The following RBFOX1 variants were observed in gnomAD, a reference collection of about 807,000 sequenced individuals.
RBFOX1 encodes the protein RNA binding protein fox-1 homolog 1.
RBFOX1 carries 8 observed loss-of-function variants against 57.7 expected under a neutral mutation model. That is an observed-to-expected ratio of 0.14 (90% CI 0.08 to 0.25). The LOEUF is 0.25. Ranked by LOEUF, RBFOX1 falls within the 10% of genes least tolerant of loss-of-function variation. The pLI is 1.00. For missense variants in RBFOX1, 611 were observed against 548.5 expected (o/e 1.11, Z -1.14); for synonymous variants, 326 against 222.4 (o/e 1.47, Z -4.15).
chr16:6,638,545 T>C (rs957276999), intron 2 of RBFOX1, among the ~76,000 whole-genome samples: 1 of 152,190 alleles, frequency 6.6e-6, no homozygotes, highest in East Asian at 1.9e-4. Flanking sequence ...CTTAGAAATA[T>C]TGCAGTGGAA....
chr16:6,997,745 T>C (rs2092391755), intron 3 of RBFOX1, among the ~76,000 whole-genome samples: 2 of 152,320 alleles, frequency 1.3e-5, no homozygotes, highest in South Asian at 2.1e-4. Flanking sequence ...AATTGAATAT[T>C]AACTTTGTTG....
intron 3 of RBFOX1, among the ~76,000 whole-genome samples, chr16:6,945,893 C>A (rs1456911598): frequency 6.6e-6 from 1 of 152,140 alleles, no homozygotes; most frequent in Non-Finnish European, 1.5e-5. Flanking sequence ...TCTCGTCCCC[C>A]ACAAAAAAGG....
chr16:7,437,886 G>T (rs1598410656), intron 4 of RBFOX1, among the ~76,000 whole-genome samples: 2 of 149,160 alleles, frequency 1.3e-5, no homozygotes, highest in South Asian at 2.1e-4. Context: ...ATGAATATAG[G>T]GTCATATTAG....
chr16:7,705,196 G>T lies in RBFOX1; in HGVS notation c.996-3860G>T, dbSNP rs534653737. Among the ~76,000 whole-genome samples the T allele has an allele frequency of 2.0e-5, 3 of 152,188 alleles. No homozygotes were observed. The East Asian group carries it at 5.8e-4, about 30-fold the overall frequency. ...CTAAGCAGAGAATGGATTTGCATGT[G>T]TGCAGGAACGATCAAGAAAGCCTGT... On this transcript the variant is annotated intron_variant, in intron 14 of 15. Transcript: ENST00000550418.
At chr16:6,449,263 C>T (rs146771990) in intron 2 of RBFOX1, among the ~76,000 whole-genome samples, 88 of 152,354 alleles carry the variant, frequency 5.8e-4, no homozygotes, top group Non-Finnish European at 9.0e-4. Flanking sequence ...GTCATCGACT[C>T]ATTCCGAAAG....
chr16:7,090,751 C>A (rs1031730273), intron 4 of RBFOX1, among the ~76,000 whole-genome samples: 1 of 152,106 alleles, frequency 6.6e-6, no homozygotes, highest in African/African-American at 2.4e-5. Context: ...AACTTGGCCA[C>A]GGTAGGAGGG....
chr16:6,957,116 T>TTTTTTTTTTTTATTTA (rs574831673), intron 3 of RBFOX1, among the ~76,000 whole-genome samples: 51 of 139,248 alleles, frequency 3.7e-4, no homozygotes, highest in Non-Finnish European at 3.4e-4. Context: ...TTATTTTTAT[T>TTTTTTTTTTTTATTTA]TTTATTTATT....
At chr16:5,540,852 ATTTAT>A (rs2044910816) in intron 2 of RBFOX1, among the ~76,000 whole-genome samples, 1 of 152,032 alleles carries the variant, frequency 6.6e-6, no homozygotes, top group Non-Finnish European at 1.5e-5. Context: ...AGTTTTTTAA[ATTTAT>A]TTTATGTTTT....
At position 6,554,936 on chromosome 16, in the gene RBFOX1, G is replaced by C. The variant is rs536882114; in HGVS notation, c.-63-99667G>C. Reference sequence around the variant, plus strand: ...GCTTTTTCTGCCAGCTGGAGAATTTGACCTAGGGCTAAGTGACTAGCCTGA... The same window carrying C: ...GCTTTTTCTGCCAGCTGGAGAATTTCACCTAGGGCTAAGTGACTAGCCTGA... On this transcript the variant is annotated intron_variant, in intron 2 of 15. Transcript: ENST00000550418. Among the ~76,000 whole-genome samples, 5 of 152,270 alleles carry C rather than the reference G, an allele frequency of 3.3e-5. No individual in the cohort carries two copies. The South Asian group carries it at 1.0e-3, about 32-fold the overall frequency.
In RBFOX1 at chr16:6,521,870, T is replaced by C. The variant is rs1302351172; in HGVS notation, c.-63-132733T>C. On this transcript the variant is annotated intron_variant, in intron 2 of 15. Transcript: ENST00000550418. ...AGTTAGGACTAAGAAATGAAGTCCT[T>C]ATCACTGGCCCATTTTAATCTGTGT... Among the ~76,000 whole-genome samples the C allele has an allele frequency of 2.6e-5, 4 of 152,132 alleles. No homozygotes were observed. In the East Asian group the frequency reaches 7.7e-4, roughly 29 times the overall value.
chr16:7,517,297 G>T (rs574425331), intron 4 of RBFOX1, among the ~76,000 whole-genome samples: 1 of 151,786 alleles, frequency 6.6e-6, no homozygotes, highest in South Asian at 2.1e-4. Flanking sequence ...TTCTGAGTTG[G>T]CTGTAATTGT....
chr16:6,051,845 T>G (rs1182612001), intron 1 of RBFOX1, among the ~76,000 whole-genome samples: 2 of 152,224 alleles, frequency 1.3e-5, no homozygotes, highest in Non-Finnish European at 2.9e-5. Context: ...ATTACAGGCA[T>G]GAGCCACCAT....
At chr16:5,734,502 T>C (rs8057067) in intron 3 of RBFOX1, among the ~76,000 whole-genome samples, 2,488 of 152,314 alleles carry the variant, frequency 0.016, 88 homozygotes, top group African/African-American at 0.058. Flanking sequence ...CCTGATTTCC[T>C]CTAAGCCCCA....
intron 1 of RBFOX1, among the ~76,000 whole-genome samples, chr16:6,065,799 T>C (rs539066093): frequency 6.6e-6 from 1 of 152,280 alleles, no homozygotes; most frequent in African/African-American, 2.4e-5. Flanking sequence ...CCCCATTTTA[T>C]AGATGAGAAA....
At chr16:5,600,984 C>T (rs73525603), downstream of RBFOX1, among the ~76,000 whole-genome samples, 1,555 of 152,286 alleles carry the variant, frequency 0.01, 22 homozygotes, top group African/African-American at 0.035. Context: ...TACCCTCTGA[C>T]CCACCTGCAT....
intron 3 of RBFOX1, among the ~76,000 whole-genome samples, chr16:5,837,887 C>G (rs1042071598): frequency 6.6e-6 from 1 of 152,034 alleles, no homozygotes; most frequent in East Asian, 1.9e-4. Context: ...TTGGCTGGGG[C>G]AGAGGACCCC....
intron 3 of RBFOX1, among the ~76,000 whole-genome samples, chr16:6,939,475 C>T (rs1039155410): frequency 2.7e-5 from 4 of 149,302 alleles, no homozygotes; most frequent in Non-Finnish European, 4.4e-5. Flanking sequence ...CTGCTTTGCA[C>T]AGAATTTAAA....
intron 4 of RBFOX1, among the ~76,000 whole-genome samples, chr16:5,877,504 C>T (rs756129464): frequency 6.6e-6 from 1 of 152,240 alleles, no homozygotes; most frequent in Admixed American, 6.5e-5. Context: ...TCCCATTTAC[C>T]CACATACACT....
At chr16:7,442,409 C>A (rs1399600611) in intron 4 of RBFOX1, among the ~76,000 whole-genome samples, 1 of 152,098 alleles carries the variant, frequency 6.6e-6, no homozygotes, top group Non-Finnish European at 1.5e-5. Context: ...GAACTCTGGG[C>A]CCTGCAACTC....
Sources: allele counts gnomAD v4.1 joint callset (sites outside exome capture counted in the v4.1 genomes callset), GRCh38; gene constraint gnomAD v4.1.1; transcripts MANE v1.5; gene names NCBI Gene and HGNC (gene_info 2026-07-23, HGNC 2026-07-21).